The following SLC7A14 variants were observed in gnomAD, a reference collection of about 807,000 sequenced individuals.
SLC7A14 encodes gamma-aminobutyric acid transporter SLC7A14.
A neutral mutation model predicts 60.2 loss-of-function variants in SLC7A14; 37 were observed. The ratio of observed to expected loss-of-function variants is 0.61; its 90% CI spans 0.47 to 0.81. SLC7A14 has a LOEUF of 0.81. Among genes scored for constraint, SLC7A14 ranks in the 30% least tolerant of loss-of-function variants. The pLI is 0.00. For synonymous variants in SLC7A14, 399 were observed against 395.8 expected, an observed-to-expected ratio of 1.01 and a Z score of -0.10; for missense variants, 886 against 982.7, an observed-to-expected ratio of 0.90 and a Z score of 1.32.
chr3:170,475,966 G>C (rs896572934), intron 7 of SLC7A14, among the ~76,000 whole-genome samples: 6 of 152,184 alleles, frequency 3.9e-5, no homozygotes, highest in Admixed American at 3.9e-4. Context: ...GCCCACCTTG[G>C]CCTCCCAAAG....
At chr3:170,520,466 A>C (rs1191662683) in intron 2 of SLC7A14, among the ~76,000 whole-genome samples, 1 of 152,198 alleles carries the variant, frequency 6.6e-6, no homozygotes, top group Non-Finnish European at 1.5e-5. Flanking sequence ...GGTCCTTTGG[A>C]AATAGAGAAG....
intron 2 of SLC7A14, among the ~76,000 whole-genome samples, chr3:170,518,060 G>T (rs777725624): frequency 7.9e-5 from 12 of 152,266 alleles, no homozygotes; most frequent in Middle Eastern, 6.8e-3. Context: ...TTTGAGTTCT[G>T]GCACGGCACT....
rs1009208492 is a variant in SLC7A14, at chr3:170,535,981, C to A, written c.-152-8893G>T. On this transcript the variant is annotated intron_variant, in intron 1 of 7. Coordinates refer to ENST00000231706, the MANE Select transcript of SLC7A14 (RefSeq NM_020949.3). This position sits in a 1 kb window ranked among gnomAD's most constrained non-coding sequence, Gnocchi z 4.3. ...CTGACTGATACATGGGTATATTAGACGGCTGAGATAGATTCAGGAAATCAA... is the reference window on the plus strand; with the variant it reads ...CTGACTGATACATGGGTATATTAGAAGGCTGAGATAGATTCAGGAAATCAA... Among the ~76,000 whole-genome samples, 1 of 152,110 alleles carries A rather than the reference C, an allele frequency of 6.6e-6. No individual in the cohort carries two copies. Among genetic ancestry groups the A allele is most frequent in the Non-Finnish European group, 1.5e-5 (1 of 68,028 alleles).
At chr3:170,537,199 C>T (rs2108298402) in intron 1 of SLC7A14, among the ~76,000 whole-genome samples, 1 of 152,238 alleles carries the variant, frequency 6.6e-6, no homozygotes, top group Middle Eastern at 3.4e-3. Context: ...TCCGGAAGTT[C>T]CAGGGACAGT....
At chr3:170,504,321 AT>A (rs943033934) in intron 2 of SLC7A14, among the ~76,000 whole-genome samples, 22 of 151,716 alleles carry the variant, frequency 1.5e-4, no homozygotes, top group Non-Finnish European at 4.4e-5. Flanking sequence ...TATTTTTTTA[AT>A]TTTTTTTAAA....
rs1315340051 is a variant in SLC7A14, at chr3:170,535,347, G to C, written c.-152-8259C>G. ...AAGGGACAAATAATACCAAAAACCA[G>C]TTAATCCTTCTATGCCACCATAAAA... On this transcript the variant is annotated intron_variant, in intron 1 of 7. Coordinates refer to ENST00000231706, the MANE Select transcript of SLC7A14 (RefSeq NM_020949.3). The surrounding 1 kb of genome is among the most constrained non-coding windows in gnomAD (Gnocchi z 4.3). Among the ~76,000 whole-genome samples the C allele has an allele frequency of 6.6e-6, 1 of 152,056 alleles. No individual in the cohort carries two copies. Among genetic ancestry groups the C allele is most frequent in the Non-Finnish European group, 1.5e-5 (1 of 68,016 alleles).
chr3:170,474,337 G>C (rs1183098759), intron 7 of SLC7A14, among the ~76,000 whole-genome samples: 1 of 152,208 alleles, frequency 6.6e-6, no homozygotes, highest in Admixed American at 6.5e-5. Flanking sequence ...CAGTGTCTCA[G>C]CTGCCACTGA....
chr3:170,483,249 GGGTAGACAT>G, intron 6 of SLC7A14, 56 bp downstream of exon 6: 6 of 1,561,366 alleles, frequency 3.8e-6, no homozygotes, highest in Non-Finnish European at 5.3e-6. Context: ...GTCTGACAGT[GGGTAGACAT>G]TCTCCCTGGA....
intron 2 of SLC7A14, among the ~76,000 whole-genome samples, chr3:170,505,009 G>A (rs752792559): frequency 2.0e-5 from 3 of 152,166 alleles, no homozygotes; most frequent in Non-Finnish European, 2.9e-5. Context: ...ATATATGACT[G>A]CTGATGGCCC....
intron 2 of SLC7A14, among the ~76,000 whole-genome samples, chr3:170,513,798 G>A (rs1424700188): frequency 1.3e-5 from 2 of 152,128 alleles, no homozygotes; most frequent in Non-Finnish European, 2.9e-5. Context: ...TTTGCACTGT[G>A]GTGTTGGCCT....
chr3:170,569,419 T>G (rs1714881250), intron 1 of SLC7A14, among the ~76,000 whole-genome samples: 1 of 152,130 alleles, frequency 6.6e-6, no homozygotes, highest in South Asian at 2.1e-4. Context: ...TTGCCAGTAT[T>G]TTATTGAGGA....
intron 4 of SLC7A14, chr3:170,496,477 C>A (rs1712398205): frequency 1.5e-6 from 2 of 1,352,178 alleles, no homozygotes; most frequent in African/African-American, 1.4e-5. Flanking sequence ...GTTAAGGATG[C>A]CAGCGCCAAG....
chr3:170,582,895 C>A (rs756421252), intron 1 of SLC7A14, among the ~76,000 whole-genome samples: 3 of 152,170 alleles, frequency 2.0e-5, no homozygotes, highest in Non-Finnish European at 4.4e-5. Context: ...ATGAACAGAA[C>A]ATCAGGTTCT....
At chr3:170,495,201 C>CATGTAGTG (rs1712344982) in intron 4 of SLC7A14, among the ~76,000 whole-genome samples, 1 of 152,152 alleles carries the variant, frequency 6.6e-6, no homozygotes, top group African/African-American at 2.4e-5. Flanking sequence ...TTTTTGCAAA[C>CATGTAGTG]ATGTAGTGCA....
rs1739705419 is a variant in SLC7A14 at position 170,465,888 on chromosome 3, C to T, written c.*1167G>A. The T allele has an allele frequency of 6.6e-6, 1 of 151,926 alleles. No homozygotes were observed. Among genetic ancestry groups the T allele is most frequent in the Non-Finnish European group, 1.5e-5 (1 of 67,984 alleles). 9.4% of individuals were successfully genotyped at this position (151,926 alleles called of 1,614,324 possible). On this transcript the variant is annotated 3_prime_UTR_variant, in exon 8 of 8. Transcript: ENST00000231706. ...TTTATGGCCCAAATTTACATCTTAC[C>T]AGGTAGATATTTCTCTGGGCTTCAG... is the stretch of plus-strand genomic sequence containing the variant.
intron 2 of SLC7A14, among the ~76,000 whole-genome samples, chr3:170,505,070 T>C (rs1211138720): frequency 6.6e-6 from 1 of 152,228 alleles, no homozygotes; most frequent in Admixed American, 6.5e-5. Context: ...TGAACTTGAA[T>C]TTATCTCCAT....
At chr3:170,469,400 T>G (rs1739818640) in intron 7 of SLC7A14, among the ~76,000 whole-genome samples, 1 of 152,212 alleles carries the variant, frequency 6.6e-6, no homozygotes, top group Admixed American at 6.5e-5. Context: ...TCCTAATTGG[T>G]AATAAATCCT....
intron 7 of SLC7A14, among the ~76,000 whole-genome samples, chr3:170,468,803 T>C (rs1739796815): frequency 6.6e-6 from 1 of 152,222 alleles, no homozygotes; most frequent in African/African-American, 2.4e-5. Flanking sequence ...ATGAGAGCTA[T>C]AGCAACCCTC....
At chr3:170,509,115 T>C (rs1310399065) in intron 2 of SLC7A14, among the ~76,000 whole-genome samples, 1 of 152,192 alleles carries the variant, frequency 6.6e-6, no homozygotes, top group Non-Finnish European at 1.5e-5. Context: ...TGCTACTGTC[T>C]CTTCTACTTG....
Sources: allele counts gnomAD v4.1 joint callset (sites outside exome capture counted in the v4.1 genomes callset), GRCh38; gene constraint gnomAD v4.1.1; non-coding constraint Gnocchi (gnomAD v3.1); transcripts MANE v1.5; gene names NCBI Gene and HGNC (gene_info 2026-07-23, HGNC 2026-07-21).